The following CACNA1E variants were observed in gnomAD, a reference collection of about 807,000 sequenced individuals.
CACNA1E encodes the protein voltage-dependent R-type calcium channel subunit alpha-1E.
In CACNA1E, 40 loss-of-function variants were observed where a neutral mutation model predicts 259.2. The observed-to-expected ratio is 0.15, with a 90% CI of 0.12 to 0.20. The LOEUF is 0.20. Ranked by LOEUF, CACNA1E falls within the 10% of genes least tolerant of loss-of-function variation. CACNA1E has a pLI of 1.00. For synonymous variants in CACNA1E, 1,104 were observed against 1,138.5 expected (o/e 0.97, Z 0.61); for missense variants, 1,874 against 3,040.1 (o/e 0.62, Z 9.02).
At chr1:181,569,263 G>A (rs1195195116) in intron 3 of CACNA1E, among the ~76,000 whole-genome samples, 2 of 152,194 alleles carry the variant, frequency 1.3e-5, no homozygotes, top group African/African-American at 2.4e-5. Flanking sequence ...GAAGTATCTC[G>A]ATTGTAGAGT....
chr1:181,538,570 A>G (rs548143376), intron 3 of CACNA1E, among the ~76,000 whole-genome samples: 75 of 152,358 alleles, frequency 4.9e-4, no homozygotes, highest in African/African-American at 1.8e-3. Context: ...CTAGTGGAAG[A>G]GAGTGACAAG....
chr1:181,586,292 CAGTAG>C (rs1652055620), intron 6 of CACNA1E, among the ~76,000 whole-genome samples: 1 of 152,076 alleles, frequency 6.6e-6, no homozygotes, highest in African/African-American at 2.4e-5. Flanking sequence ...TCATTTGATA[CAGTAG>C]TATAGGGAAG....
rs1050572482 is a variant in CACNA1E, at chr1:181,805,174, G to A, written c.*6340G>A. On this transcript the variant is annotated 3_prime_UTR_variant, in exon 48 of 48. Transcript: ENST00000367573. ...CAGACCCTAGACTTTATACCAGGCT[G>A]TGCCACTTCCTCTTCACTTCACTCA... 6.6e-6 allele frequency: 1 copy of A among 152,102 alleles called. No homozygotes were observed. The highest frequency in any genetic ancestry group is 2.4e-5 in the African/African-American group (1 of 41,404). 9.4% of individuals were successfully genotyped at this position (152,102 alleles called of 1,614,324 possible).
chr1:181,473,751 C>T (rs1476346496), intron 2 of CACNA1E, among the ~76,000 whole-genome samples: 1 of 152,154 alleles, frequency 6.6e-6, no homozygotes, highest in Non-Finnish European at 1.5e-5. Flanking sequence ...GCTCAAATTT[C>T]TATTAATGAT....
intron 23 of CACNA1E, among the ~76,000 whole-genome samples, 178 bp downstream of exon 23, chr1:181,737,832 G>A: frequency 6.6e-6 from 1 of 152,196 alleles, no homozygotes; most frequent in East Asian, 1.9e-4. Flanking sequence ...CCCCTTCTTA[G>A]CCCAACATAC....
At chr1:181,770,754 A>T (rs1036946614) in intron 35 of CACNA1E, among the ~76,000 whole-genome samples, 1 of 152,180 alleles carries the variant, frequency 6.6e-6, no homozygotes, top group African/African-American at 2.4e-5. Flanking sequence ...ATGTGACTCA[A>T]TGGATAGAAA....
At chr1:181,530,294 C>T (rs1317510847) in intron 3 of CACNA1E, among the ~76,000 whole-genome samples, 1 of 152,152 alleles carries the variant, frequency 6.6e-6, no homozygotes, top group African/African-American at 2.4e-5. Context: ...CTAATTAAAC[C>T]TCTTTTTGTT....
chr1:181,483,032 G>A (rs1663431177), upstream of CACNA1E, among the ~76,000 whole-genome samples: 1 of 152,226 alleles, frequency 6.6e-6, no homozygotes, highest in Admixed American at 6.5e-5. Flanking sequence ...TTGAGATTTT[G>A]GGCATTGCGG....
chr1:181,611,317 A>G (rs987342474), intron 6 of CACNA1E, among the ~76,000 whole-genome samples: 1 of 151,976 alleles, frequency 6.6e-6, no homozygotes, highest in East Asian at 1.9e-4. Context: ...CATGCTGACT[A>G]TGTGCTAGGT....
At chr1:181,596,687 T>C (rs1417257449) in intron 6 of CACNA1E, among the ~76,000 whole-genome samples, 1 of 152,130 alleles carries the variant, frequency 6.6e-6, no homozygotes, top group African/African-American at 2.4e-5. Context: ...TCGTGAATTC[T>C]CTTTTGTACA....
At chr1:181,768,652 T>A (rs532865595) in intron 35 of CACNA1E, among the ~76,000 whole-genome samples, 1 of 152,216 alleles carries the variant, frequency 6.6e-6, no homozygotes, top group Non-Finnish European at 1.5e-5. Flanking sequence ...AACTGTATGG[T>A]CTAACATCTT....
chr1:181,621,941 T>C (rs1655764330), intron 6 of CACNA1E, among the ~76,000 whole-genome samples: 1 of 152,118 alleles, frequency 6.6e-6, no homozygotes, highest in Non-Finnish European at 1.5e-5. Flanking sequence ...CAGCCATGAG[T>C]GCATCCCTTC....
chr1:181,751,000 T>C (rs1172473417), intron 26 of CACNA1E, among the ~76,000 whole-genome samples: 3 of 151,828 alleles, frequency 2.0e-5, no homozygotes, highest in Non-Finnish European at 4.4e-5. Flanking sequence ...GGGGGGTAGG[T>C]ATCGCAGGAA....
chr1:181,414,768 C>T (rs957665262), intron 2 of CACNA1E, among the ~76,000 whole-genome samples: 1 of 152,176 alleles, frequency 6.6e-6, no homozygotes, highest in Non-Finnish European at 1.5e-5. Context: ...CTCAAGGTCA[C>T]GTGGATAACA....
intron 10 of CACNA1E, among the ~76,000 whole-genome samples, 152 bp from the exon 11 acceptor site, chr1:181,716,941 T>G (rs1424177617): frequency 6.6e-6 from 1 of 152,190 alleles, no homozygotes; most frequent in African/African-American, 2.4e-5. Context: ...CTATAGAAAC[T>G]ACTGAGCCCG....
At position 181,758,934 on chromosome 1, in the gene CACNA1E, G is replaced by A. The variant is rs1199279854; in HGVS notation, c.4605+66G>A. 1 of 887,538 alleles carries A rather than the reference G, an allele frequency of 1.1e-6. No homozygotes were observed. Among genetic ancestry groups the A allele is most frequent in the Admixed American group, 2.0e-5 (1 of 51,210 alleles). The allele number at this position is 887,538 out of a possible 1,614,324, so 55.0% of individuals were successfully genotyped here. A position where few individuals can be genotyped will look rare whatever the true frequency, so the allele number is the denominator to read the frequency against. Reference sequence around the variant, plus strand: ...TCTGTTGGGTGCCTTCCCAGTCTTTGTTGAAGGGGAGGTGGTTACTGCTAT... The same window carrying A: ...TCTGTTGGGTGCCTTCCCAGTCTTTATTGAAGGGGAGGTGGTTACTGCTAT... On this transcript the variant is annotated intron_variant, in intron 32 of 47. Coordinates refer to ENST00000367573, the MANE Select transcript of CACNA1E (RefSeq NM_001205293.3). This position sits in a 1 kb window ranked among gnomAD's most constrained non-coding sequence, Gnocchi z 4.2.
At chr1:181,431,801 C>T (rs1186023408) in intron 2 of CACNA1E, among the ~76,000 whole-genome samples, 2 of 152,208 alleles carry the variant, frequency 1.3e-5, no homozygotes, top group African/African-American at 4.8e-5. Context: ...AAAACCCTTT[C>T]ATTCTATGTG....
chr1:181,384,122 G>A (rs536957113), intron 1 of CACNA1E, among the ~76,000 whole-genome samples: 8 of 152,312 alleles, frequency 5.3e-5, no homozygotes, highest in African/African-American at 1.9e-4. Context: ...CACAGCTTTT[G>A]ATGCAAGGAT....
chr1:181,666,477 C>T (rs1033715095), intron 7 of CACNA1E, among the ~76,000 whole-genome samples: 7 of 152,056 alleles, frequency 4.6e-5, no homozygotes, highest in African/African-American at 1.7e-4. Flanking sequence ...CTTCAAATTA[C>T]AAAGATGTCT....
Sources: gnomAD v4.1 joint callset for allele counts (sites outside exome capture counted in the v4.1 genomes callset) on GRCh38, gnomAD v4.1.1 for gene constraint, Gnocchi (gnomAD v3.1) non-coding constraint, MANE v1.5 for transcripts, NCBI Gene and HGNC (gene_info 2026-07-23, HGNC 2026-07-21) for gene names.